Variants in BBS9 observed in about 807,000 individuals in gnomAD.
BBS9 encodes the protein Bardet-Biedl syndrome 9.
Under a neutral mutation model 117.7 loss-of-function variants are expected in BBS9, and 89 were observed. The ratio of observed to expected loss-of-function variants is 0.76; its 90% CI spans 0.64 to 0.90. The LOEUF is 0.90. BBS9 is among the 40% of genes least tolerant of loss of function. The probability of loss-of-function intolerance (pLI) is 0.00; values close to 1 mark genes in which losing one functional copy is unlikely to be tolerated. For synonymous variants in BBS9, 379 were observed against 370.9 expected, an observed-to-expected ratio of 1.02 and a Z score of -0.25; for missense variants, 982 against 1,042.2, an observed-to-expected ratio of 0.94 and a Z score of 0.80.
intron 5 of BBS9, among the ~76,000 whole-genome samples, chr7:33,197,927 A>G (rs1339876788): frequency 2.0e-5 from 3 of 151,972 alleles, no homozygotes; most frequent in Non-Finnish European, 4.4e-5. Flanking sequence ...GTTTACCTCA[A>G]CCTTCAAAGA....
chr7:33,403,821 G>T (rs947650315), intron 19 of BBS9, among the ~76,000 whole-genome samples: 1 of 152,048 alleles, frequency 6.6e-6, no homozygotes, highest in Non-Finnish European at 1.5e-5. Flanking sequence ...AGTCCTTTGG[G>T]TATATACCCA....
intron 19 of BBS9, among the ~76,000 whole-genome samples, chr7:33,407,397 G>A (rs551262086): frequency 2.0e-5 from 3 of 152,088 alleles, no homozygotes; most frequent in Admixed American, 6.5e-5. Flanking sequence ...CTGTAGCTCG[G>A]AGTAGTTTGA....
chr7:33,551,608 T>C (rs1016172078), intron 21 of BBS9, among the ~76,000 whole-genome samples: 1 of 152,254 alleles, frequency 6.6e-6, no homozygotes, highest in South Asian at 2.1e-4. Context: ...CTTACTATGT[T>C]TCAGGCATGG....
chr7:33,632,027 G>A (rs1865914378), intron 21 of BBS9, among the ~76,000 whole-genome samples: 1 of 152,172 alleles, frequency 6.6e-6, no homozygotes, highest in Non-Finnish European at 1.5e-5. Context: ...GGAGAGATTT[G>A]CCTACAAATT....
intron 21 of BBS9, among the ~76,000 whole-genome samples, chr7:33,541,401 ATCAATGATAACAC>A (rs1852274806): frequency 6.6e-6 from 1 of 152,178 alleles, no homozygotes; most frequent in African/African-American, 2.4e-5. Context: ...ATGCCCATCA[ATCAATGATAACAC>A]TCTTATCGCT....
intron 16 of BBS9, among the ~76,000 whole-genome samples, chr7:33,362,460 A>G (rs980526276): frequency 6.6e-6 from 1 of 152,016 alleles, no homozygotes; most frequent in African/African-American, 2.4e-5. Context: ...TGAGGGATGG[A>G]TGAAATTCAT....
At chr7:33,552,862 C>T (rs56093920) in intron 21 of BBS9, among the ~76,000 whole-genome samples, 1 of 152,168 alleles carries the variant, frequency 6.6e-6, no homozygotes, top group Non-Finnish European at 1.5e-5. Flanking sequence ...TAGGATTAAA[C>T]TTAGACTTGT....
At chr7:33,202,502 A>G (rs765307291) in intron 5 of BBS9, among the ~76,000 whole-genome samples, 1 of 152,160 alleles carries the variant, frequency 6.6e-6, no homozygotes, top group Non-Finnish European at 1.5e-5. Context: ...GTAATTTATA[A>G]AGAAAAGAGG....
intron 21 of BBS9, among the ~76,000 whole-genome samples, chr7:33,613,013 G>C (rs1389030637): frequency 1.3e-5 from 2 of 152,022 alleles, no homozygotes; most frequent in Non-Finnish European, 2.9e-5. Context: ...ATTGTCCTGG[G>C]CACCAGGGCT....
chr7:33,308,271 GAC>G (rs1489115186), intron 9 of BBS9, among the ~76,000 whole-genome samples: 5 of 152,126 alleles, frequency 3.3e-5, no homozygotes, highest in African/African-American at 1.2e-4. Context: ...GGATTTGGAG[GAC>G]ACAGCTCATT....
rs77803632 is a variant in BBS9, at chr7:33,443,729, T to C, written c.2115+55585T>C. ...TGTAGTCTTAGCAAGCATGGATTTG[T>C]AATCACGCCAAAATGGGTTACATAT... On this transcript the variant is annotated intron_variant, in intron 19 of 22. Coordinates refer to ENST00000242067, the MANE Select transcript of BBS9 (RefSeq NM_198428.3). Among the ~76,000 whole-genome samples the C allele has an allele frequency of 3.8e-3, 581 of 152,354 alleles. 1 individual carries two copies. Among genetic ancestry groups the C allele is most frequent in the Non-Finnish European group, 6.3e-3 (431 of 68,034 alleles).
chr7:33,417,598 G>C (rs915561883), intron 19 of BBS9, among the ~76,000 whole-genome samples: 3 of 152,160 alleles, frequency 2.0e-5, no homozygotes, highest in Admixed American at 1.3e-4. Flanking sequence ...GTTTATCCAG[G>C]CTCTAAGACA....
chr7:33,388,533 T>C (rs979789268), intron 19 of BBS9, among the ~76,000 whole-genome samples: 4 of 152,216 alleles, frequency 2.6e-5, no homozygotes, highest in Non-Finnish European at 5.9e-5. Flanking sequence ...AATTCTCCAA[T>C]TGTCTTACCA....
chr7:33,135,218 T>G (rs1790278277), intron 1 of BBS9, among the ~76,000 whole-genome samples: 1 of 152,208 alleles, frequency 6.6e-6, no homozygotes, highest in African/African-American at 2.4e-5. Flanking sequence ...TGCTCACGTT[T>G]CTGGTGTCAA....
intron 2 of BBS9, among the ~76,000 whole-genome samples, chr7:33,148,662 CTTTTT>C (rs554496476): frequency 7.5e-6 from 1 of 133,034 alleles, no homozygotes; most frequent in Non-Finnish European, 1.6e-5. Flanking sequence ...TGCACCTGGC[CTTTTT>C]TTTTTTTTTT....
At chr7:33,519,649 A>G (rs1358484554) in intron 20 of BBS9, among the ~76,000 whole-genome samples, 1 of 152,146 alleles carries the variant, frequency 6.6e-6, no homozygotes, top group Non-Finnish European at 1.5e-5. Flanking sequence ...AAAGAAGCTG[A>G]TTTAAATTTT....
intron 19 of BBS9, among the ~76,000 whole-genome samples, chr7:33,432,086 TTTC>T (rs1255826810): frequency 6.6e-6 from 1 of 151,706 alleles, no homozygotes; most frequent in Non-Finnish European, 1.5e-5. Context: ...TCTTTCTTTC[TTTC>T]TTTTTTTTTT....
At chr7:33,409,256 C>G (rs914613428) in intron 19 of BBS9, among the ~76,000 whole-genome samples, 1 of 152,116 alleles carries the variant, frequency 6.6e-6, no homozygotes, top group African/African-American at 2.4e-5. Flanking sequence ...AGTGTATTTC[C>G]TATCTTTTCT....
intron 5 of BBS9, among the ~76,000 whole-genome samples, chr7:33,256,194 A>C (rs1219435259): frequency 1.3e-5 from 2 of 152,040 alleles, no homozygotes; most frequent in Admixed American, 1.3e-4. Context: ...AAACCAAAAC[A>C]ACAAAAACAA....
Sources: allele counts gnomAD v4.1 joint callset (sites outside exome capture counted in the v4.1 genomes callset), GRCh38; gene constraint gnomAD v4.1.1; transcripts MANE v1.5; gene names NCBI Gene and HGNC (gene_info 2026-07-23, HGNC 2026-07-21).